NEURL1B: variants seen among roughly 807,000 people sequenced by gnomAD.
NEURL1B encodes neuralized E3 ubiquitin protein ligase 1B.
In NEURL1B, 13 loss-of-function variants were observed where a neutral mutation model predicts 37.4. That is an observed-to-expected ratio of 0.35 (90% CI 0.23 to 0.55). NEURL1B has a LOEUF of 0.55. Among genes scored for constraint, NEURL1B ranks in the 20% least tolerant of loss-of-function variants. The pLI is 0.89. For synonymous variants in NEURL1B, 432 were observed against 426.6 expected, an observed-to-expected ratio of 1.01 and a Z score of -0.16; for missense variants, 790 against 879.2, an observed-to-expected ratio of 0.90 and a Z score of 1.28.
intron 1 of NEURL1B, among the ~76,000 whole-genome samples, chr5:172,664,603 T>C (rs1757974239): frequency 6.6e-6 from 1 of 152,244 alleles, no homozygotes; most frequent in Non-Finnish European, 1.5e-5. Flanking sequence ...ATCTCCAAAC[T>C]AGGATGATCC....
intron 1 of NEURL1B, among the ~76,000 whole-genome samples, chr5:172,663,810 G>C (rs1757949840): frequency 1.5e-5 from 1 of 68,656 alleles, no homozygotes; most frequent in African/African-American, 4.1e-5. Flanking sequence ...CCTCTTCCTG[G>C]CAAAAGAGGT....
rs1561646490 is a variant in NEURL1B, at chr5:172,665,781, C to T, written c.32-4004C>T. 6.6e-6 allele frequency among the ~76,000 whole-genome samples: 1 copy of T among 151,950 alleles called. No homozygotes were observed. The highest frequency in any genetic ancestry group is 1.5e-5 in the Non-Finnish European group (1 of 67,992). On this transcript the variant is annotated intron_variant, in intron 1 of 4. Transcript: ENST00000369800. The surrounding 1 kb of genome is among the most constrained non-coding windows in gnomAD (Gnocchi z 4.1). ...TCGAGACCTGGCTCAGTGGGCATCC[C>T]ACTATTCCCAGCCCCTAACTGAGTC...
Position 172,665,833 on chromosome 5 carries a change from C to T in NEURL1B, c.32-3952C>T, listed in dbSNP as rs1314275014. 6.6e-6 allele frequency among the ~76,000 whole-genome samples: 1 copy of T among 152,154 alleles called. No homozygotes were observed. Among genetic ancestry groups the T allele is most frequent in the Non-Finnish European group, 1.5e-5 (1 of 68,034 alleles). On this transcript the variant is annotated intron_variant, in intron 1 of 4. Transcript: ENST00000369800. The surrounding 1 kb of genome is among the most constrained non-coding windows in gnomAD (Gnocchi z 4.1). The stretch of plus-strand genomic sequence containing the variant: ...AGGGCCTCCTCCAGGCCCCTAGTCC[C>T]CCCGGTGCCATCGCCTGAGATGGTC...
intron 1 of NEURL1B, among the ~76,000 whole-genome samples, chr5:172,656,260 G>A (rs376668074): frequency 1.4e-4 from 21 of 152,292 alleles, no homozygotes; most frequent in African/African-American, 3.8e-4. Context: ...GCAGGTAATC[G>A]GAACGAATTA....
intron 1 of NEURL1B, among the ~76,000 whole-genome samples, chr5:172,652,139 G>C (rs745522509): frequency 6.6e-6 from 1 of 152,246 alleles, no homozygotes; most frequent in Admixed American, 6.5e-5. Context: ...TGAGAGACAC[G>C]AAGTGAACTT....
At position 172,686,874 on chromosome 5, in the gene NEURL1B, C is replaced by T; in HGVS notation, c.1617C>T (p.Cys539=). The change falls in exon 5 of 5, where the codon TGC becomes TGT. Residue 539 remains cysteine (C), a synonymous_variant. Transcript: ENST00000369800. The surrounding 1 kb of genome is among the most constrained non-coding windows in gnomAD (Gnocchi z 7.9). ...LRLKRQARAC[C]PICRRPIKDV... ...TCAAGCGACAGGCCCGGGCCTGCTG[C>T]CCCATCTGCCGGCGGCCCATCAAGG... 6.4e-7 allele frequency: 1 copy of T among 1,550,482 alleles called. No individual in the cohort carries two copies. Among genetic ancestry groups the T allele is most frequent in the Non-Finnish European group, 8.7e-7 (1 of 1,146,630 alleles).
rs188678577 is a variant in NEURL1B, at chr5:172,680,650, C to T, written c.578-2769C>T. ...TAGAGAAAAAGAGAAAACTAGAAAA[C>T]TATAAGAAGCAAATTTCTACCCAGA... On this transcript the variant is annotated intron_variant, in intron 2 of 4. Coordinates refer to ENST00000369800, the MANE Select transcript of NEURL1B (RefSeq NM_001142651.3). Among the ~76,000 whole-genome samples, 9 of 152,128 alleles carry T rather than the reference C, an allele frequency of 5.9e-5. No individual in the cohort carries two copies. The East Asian group carries it at 1.2e-3, about 20-fold the overall frequency.
At chr5:172,663,037 A>G (rs1366241007) in intron 1 of NEURL1B, among the ~76,000 whole-genome samples, 1 of 151,948 alleles carries the variant, frequency 6.6e-6, no homozygotes, top group Non-Finnish European at 1.5e-5. Flanking sequence ...GACCAGCCCC[A>G]GCAACCCTGA....
At chr5:172,672,625 GA>G (rs1758152451) in intron 2 of NEURL1B, among the ~76,000 whole-genome samples, 1 of 150,666 alleles carries the variant, frequency 6.6e-6, no homozygotes, top group African/African-American at 2.4e-5. Flanking sequence ...GAGTCTGCTG[GA>G]ACACCACTGT....
chr5:172,689,021 C>G lies in NEURL1B; in HGVS notation c.*2096C>G, dbSNP rs1758573044. On this transcript the variant is annotated 3_prime_UTR_variant, in exon 5 of 5. Coordinates refer to ENST00000369800, the MANE Select transcript of NEURL1B (RefSeq NM_001142651.3). ...TGCCCCTTTGGGTTCCAGCCGGGGT[C>G]ACGTCCAGCCTCCACTGGGAAACCA... 1 of 152,280 alleles carries G rather than the reference C, an allele frequency of 6.6e-6. No individual in the cohort carries two copies. The highest frequency in any genetic ancestry group is 2.4e-5 in the African/African-American group (1 of 41,462). The allele number at this position is 152,280 out of a possible 1,614,324, so 9.4% of individuals were successfully genotyped here. A position where few individuals can be genotyped will look rare whatever the true frequency, so the allele number is the denominator to read the frequency against.
At position 172,675,747 on chromosome 5, in the gene NEURL1B, T is replaced by C. The variant is rs1173371926; in HGVS notation, c.577+5417T>C. On this transcript the variant is annotated intron_variant, in intron 2 of 4. Transcript: ENST00000369800. This position sits in a 1 kb window ranked among gnomAD's most constrained non-coding sequence, Gnocchi z 4.7. ...TTTTTGGATTTTGGAATATTTGTATTATAGTTAACATTTCAGCATCACTAA... is the reference window on the plus strand; with the variant it reads ...TTTTTGGATTTTGGAATATTTGTATCATAGTTAACATTTCAGCATCACTAA... Among the ~76,000 whole-genome samples the C allele has an allele frequency of 1.3e-5, 2 of 152,180 alleles. No individual in the cohort carries two copies. Among genetic ancestry groups the C allele is most frequent in the Non-Finnish European group, 2.9e-5 (2 of 68,036 alleles).
chr5:172,660,313 C>T (rs1561644491), intron 1 of NEURL1B, among the ~76,000 whole-genome samples: 1 of 152,220 alleles, frequency 6.6e-6, no homozygotes, highest in Non-Finnish European at 1.5e-5. Flanking sequence ...GGGATGACCT[C>T]ACCCCCTGGG....
In NEURL1B at chr5:172,686,403, C is replaced by G. The variant is rs932704122; in HGVS notation, c.1423+107C>G. Reference sequence around the variant, plus strand: ...CTGAGCAGGGTGGCCGCCTTTCCCCCGCATCCTCTCCTTCCCTCAGCTGTA... The same window carrying G: ...CTGAGCAGGGTGGCCGCCTTTCCCCGGCATCCTCTCCTTCCCTCAGCTGTA... On this transcript the variant is annotated intron_variant, in intron 4 of 4. Transcript: ENST00000369800. The surrounding 1 kb of genome is among the most constrained non-coding windows in gnomAD (Gnocchi z 7.9). The G allele has an allele frequency of 8.4e-7, 1 of 1,193,994 alleles. No homozygotes were observed. Among genetic ancestry groups the G allele is most frequent in the Non-Finnish European group, 1.2e-6 (1 of 847,584 alleles). 74.0% of individuals were successfully genotyped at this position (1,193,994 alleles called of 1,614,324 possible).
At position 172,665,731 on chromosome 5, in the gene NEURL1B, G is replaced by T. The variant is rs545770957; in HGVS notation, c.32-4054G>T. ...GCCTCCCCCTGCCTCTGCCCCTACC[G>T]TTCCCCTCTGCTCCCTCTCCTCCCT... is the stretch of plus-strand genomic sequence containing the variant. On this transcript the variant is annotated intron_variant, in intron 1 of 4. Transcript: ENST00000369800. This position sits in a 1 kb window ranked among gnomAD's most constrained non-coding sequence, Gnocchi z 4.1. Among the ~76,000 whole-genome samples, 1 of 101,798 alleles carries T rather than the reference G, an allele frequency of 9.8e-6. No homozygotes were observed. Among genetic ancestry groups the T allele is most frequent in the South Asian group, 3.0e-4 (1 of 3,378 alleles). The allele number at this position is 101,798 out of a possible 152,430, so 66.8% of individuals were successfully genotyped here.
rs1004569307 is a variant in NEURL1B, at chr5:172,687,084, G to T, written c.*159G>T. ...GTGGAGCGAGGCCCACAGGGCCTCA[G>T]CCCAGGCAGGGGTTGCTTCTGGCTC... On this transcript the variant is annotated 3_prime_UTR_variant, in exon 5 of 5. Coordinates refer to ENST00000369800, the MANE Select transcript of NEURL1B (RefSeq NM_001142651.3). 62 of 862,876 alleles carry T rather than the reference G, an allele frequency of 7.2e-5. No individual in the cohort carries two copies. Among genetic ancestry groups the T allele is most frequent in the Non-Finnish European group, 1.0e-4 (58 of 579,912 alleles). 53.5% of individuals were successfully genotyped at this position (862,876 alleles called of 1,614,324 possible). A position where few individuals can be genotyped will look rare whatever the true frequency, so the allele number is the denominator to read the frequency against.
intron 1 of NEURL1B, among the ~76,000 whole-genome samples, chr5:172,656,209 G>A (rs1757773385): frequency 6.6e-6 from 1 of 152,186 alleles, no homozygotes. Flanking sequence ...TAATCATAAT[G>A]AGTTAGGGTA....
At position 172,686,092 on chromosome 5, in the gene NEURL1B, G is replaced by A; in HGVS notation, c.1298-79G>A. 2.6e-6 allele frequency: 4 copies of A among 1,512,274 alleles called. No individual in the cohort carries two copies. The highest frequency in any genetic ancestry group is 3.6e-6 in the Non-Finnish European group (4 of 1,123,124). The allele number at this position is 1,512,274 out of a possible 1,614,324, so 93.7% of individuals were successfully genotyped here. ...TCTCGTTAGACGGGAAAGCTAAGGT[G>A]CAAAGCAGTGAAGAACCATGGACTA... On this transcript the variant is annotated intron_variant, in intron 3 of 4. Coordinates refer to ENST00000369800, the MANE Select transcript of NEURL1B (RefSeq NM_001142651.3). This position sits in a 1 kb window ranked among gnomAD's most constrained non-coding sequence, Gnocchi z 7.9.
At chr5:172,646,891 G>A (rs897236387) in intron 1 of NEURL1B, among the ~76,000 whole-genome samples, 1 of 151,088 alleles carries the variant, frequency 6.6e-6, no homozygotes, top group African/African-American at 2.4e-5. Context: ...GAGTTCTGAG[G>A]ACCCCAGTGC....
At chr5:172,645,696 A>C (rs1490788217) in intron 1 of NEURL1B, among the ~76,000 whole-genome samples, 1 of 152,134 alleles carries the variant, frequency 6.6e-6, no homozygotes, top group Non-Finnish European at 1.5e-5. Context: ...CCACCAGGTC[A>C]TTAAGAACCA....
Sources: allele counts gnomAD v4.1 joint callset (sites outside exome capture counted in the v4.1 genomes callset), GRCh38; gene constraint gnomAD v4.1.1; non-coding constraint Gnocchi (gnomAD v3.1); transcripts MANE v1.5; gene names NCBI Gene and HGNC (gene_info 2026-07-23, HGNC 2026-07-21).